The following PRKAG2 variants were observed in gnomAD, a reference collection of about 807,000 sequenced individuals.
The protein encoded by PRKAG2 is 5'-AMP-activated protein kinase subunit gamma-2.
In PRKAG2, 26 loss-of-function variants were observed where a neutral mutation model predicts 69.6. The observed-to-expected ratio is 0.37, with a 90% CI of 0.27 to 0.52. The LOEUF is 0.52. Ranked by LOEUF, PRKAG2 falls within the 20% of genes least tolerant of loss-of-function variation. The pLI is 0.90. For missense variants in PRKAG2, 557 were observed against 740.0 expected (o/e 0.75, Z 2.87); for synonymous variants, 293 against 285.0 (o/e 1.03, Z -0.28).
intron 3 of PRKAG2, among the ~76,000 whole-genome samples, chr7:151,741,880 T>C (rs6960933): frequency 0.024 from 3,686 of 152,248 alleles, 140 homozygotes; most frequent in African/African-American, 0.085. Context: ...TACAAATAAT[T>C]CGGAGAAATT....
At chr7:151,714,672 G>A (rs1357486736) in intron 3 of PRKAG2, among the ~76,000 whole-genome samples, 3 of 152,130 alleles carry the variant, frequency 2.0e-5, no homozygotes, top group Non-Finnish European at 4.4e-5. Flanking sequence ...TAAGTGGGCC[G>A]GGCGCAGTAG....
At chr7:151,603,790 A>G (rs915156136) in intron 5 of PRKAG2, among the ~76,000 whole-genome samples, 2 of 152,130 alleles carry the variant, frequency 1.3e-5, no homozygotes, top group African/African-American at 4.8e-5. Context: ...CTCCTCCTTT[A>G]TGTACTGTAA....
intron 5 of PRKAG2, among the ~76,000 whole-genome samples, chr7:151,623,400 AG>A (rs1822011862): frequency 1.4e-5 from 2 of 147,978 alleles, no homozygotes. Context: ...AAGCTCATAA[AG>A]AGTGTGCAAC....
intron 1 of PRKAG2, among the ~76,000 whole-genome samples, chr7:151,846,917 A>G (rs985393155): frequency 2.0e-5 from 3 of 152,244 alleles, no homozygotes; most frequent in Admixed American, 6.5e-5. Context: ...CCAGTTTTGC[A>G]AAGGGATTTG....
At chr7:151,729,696 G>T (rs56792810) in intron 3 of PRKAG2, among the ~76,000 whole-genome samples, 4,224 of 152,174 alleles carry the variant, frequency 0.028, 191 homozygotes, top group African/African-American at 0.097. Context: ...ACCGGCTCCT[G>T]TGGCTCTGCC....
At chr7:151,766,086 C>G (rs1490526003) in intron 3 of PRKAG2, among the ~76,000 whole-genome samples, 3 of 152,214 alleles carry the variant, frequency 2.0e-5, no homozygotes, top group Non-Finnish European at 4.4e-5. Flanking sequence ...AATTCATCTC[C>G]TTTATCTGTG....
intron 1 of PRKAG2, among the ~76,000 whole-genome samples, chr7:151,813,925 T>C (rs1407223718): frequency 6.6e-6 from 1 of 152,124 alleles, no homozygotes; most frequent in African/African-American, 2.4e-5. Context: ...ATCCCCAGTC[T>C]TTTCTGTTTG....
chr7:151,574,837 C>T, intron 8 of PRKAG2, 54 bp downstream of exon 8: 1 of 1,612,038 alleles, frequency 6.2e-7, no homozygotes, highest in Non-Finnish European at 8.5e-7. Flanking sequence ...TACCTACACA[C>T]ATACATAGAT....
chr7:151,658,312 C>A (rs1829795113), intron 4 of PRKAG2, among the ~76,000 whole-genome samples: 1 of 151,102 alleles, frequency 6.6e-6, no homozygotes. Context: ...ATGGTGAAAC[C>A]CCGTCTCTAC....
intron 1 of PRKAG2, among the ~76,000 whole-genome samples, chr7:151,830,039 A>C (rs2078988880): frequency 6.6e-6 from 1 of 151,262 alleles, no homozygotes; most frequent in Non-Finnish European, 1.5e-5. Flanking sequence ...ATAGAATCCA[A>C]GGTTATTGAG....
intron 3 of PRKAG2, among the ~76,000 whole-genome samples, chr7:151,759,039 C>T (rs756553687): frequency 6.6e-5 from 10 of 152,150 alleles, no homozygotes; most frequent in African/African-American, 1.4e-4. Context: ...GATCGACATC[C>T]GATGGCTTTC....
In PRKAG2 at chr7:151,691,501, T is replaced by C. The variant is rs62478180; in HGVS notation, c.467-15864A>G. Among the ~76,000 whole-genome samples, 99 of 144,776 alleles carry C rather than the reference T, an allele frequency of 6.8e-4. 1 individual carries two copies. Among genetic ancestry groups the C allele is most frequent in the African/African-American group, 2.4e-3 (95 of 39,734 alleles). 95.0% of individuals were successfully genotyped at this position (144,776 alleles called of 152,430 possible). On this transcript the variant is annotated intron_variant, in intron 3 of 15. Coordinates refer to ENST00000287878, the MANE Select transcript of PRKAG2 (RefSeq NM_016203.4). ...AAACTCAGTAAAAAAAAAAAAAAAG[T>C]GGACAGAAGATTTAAACACATACTT...
intron 3 of PRKAG2, among the ~76,000 whole-genome samples, chr7:151,706,735 C>CA (rs1838688220): frequency 6.6e-6 from 1 of 152,268 alleles, no homozygotes; most frequent in Non-Finnish European, 1.5e-5. Context: ...TTAGCTGTGG[C>CA]AGTAACAGCA....
At chr7:151,694,025 C>G (rs942558098) in intron 3 of PRKAG2, among the ~76,000 whole-genome samples, 1 of 152,184 alleles carries the variant, frequency 6.6e-6, no homozygotes, top group Admixed American at 6.5e-5. Flanking sequence ...TTGCTCACCA[C>G]CACACCCAGC....
At chr7:151,675,245 A>G in intron 4 of PRKAG2, 175 bp downstream of exon 4, 2 of 740,232 alleles carry the variant, frequency 2.7e-6, no homozygotes, top group South Asian at 3.0e-5. Flanking sequence ...TCCATTTGCT[A>G]TTGTGCCCTC....
chr7:151,698,601 T>TC (rs984011591), intron 3 of PRKAG2, among the ~76,000 whole-genome samples: 4 of 151,938 alleles, frequency 2.6e-5, no homozygotes, highest in African/African-American at 9.7e-5. Flanking sequence ...ACACCTCAGC[T>TC]CCCCCTTTGC....
intron 3 of PRKAG2, among the ~76,000 whole-genome samples, chr7:151,715,215 C>T (rs1460655572): frequency 4.2e-5 from 6 of 143,640 alleles, no homozygotes; most frequent in East Asian, 2.1e-4. Flanking sequence ...GGGGTTTCGC[C>T]GTGTTGGCCA....
At chr7:151,694,493 T>C (rs1372723354) in intron 3 of PRKAG2, among the ~76,000 whole-genome samples, 1 of 152,148 alleles carries the variant, frequency 6.6e-6, no homozygotes, top group East Asian at 1.9e-4. Context: ...TTCTACTTCC[T>C]GTATCTGGGA....
chr7:151,816,242 C>T (rs1412955049), intron 1 of PRKAG2, among the ~76,000 whole-genome samples: 1 of 152,148 alleles, frequency 6.6e-6, no homozygotes, highest in Non-Finnish European at 1.5e-5. Flanking sequence ...ACAGGCCTGG[C>T]GTGCTGTGGC....
Sources: gnomAD v4.1 joint callset for allele counts (sites outside exome capture counted in the v4.1 genomes callset) on GRCh38, gnomAD v4.1.1 for gene constraint, MANE v1.5 for transcripts, NCBI Gene and HGNC (gene_info 2026-07-23, HGNC 2026-07-21) for gene names.